SLIT3: variants seen among roughly 807,000 people sequenced by gnomAD.
SLIT3 encodes the protein slit homolog 3 protein.
A neutral mutation model predicts 184.0 loss-of-function variants in SLIT3; 68 were observed. The ratio of observed to expected loss-of-function variants is 0.37; its 90% CI spans 0.30 to 0.45. The LOEUF is 0.45. Ranked by LOEUF, SLIT3 falls within the 20% of genes least tolerant of loss-of-function variation. The pLI is 1.00. For missense variants in SLIT3, 1,707 were observed against 2,026.0 expected (o/e 0.84, Z 3.02); for synonymous variants, 831 against 828.6 (o/e 1.00, Z -0.05).
At chr5:169,001,805 C>T (rs1755709833) in intron 4 of SLIT3, among the ~76,000 whole-genome samples, 3 of 152,188 alleles carry the variant, frequency 2.0e-5, no homozygotes, top group Admixed American at 2.0e-4. Flanking sequence ...GGCTATAGCT[C>T]CTCTCTTAGC....
chr5:168,899,352 C>A (rs936797500), intron 4 of SLIT3, among the ~76,000 whole-genome samples: 2 of 151,964 alleles, frequency 1.3e-5, no homozygotes, highest in African/African-American at 4.8e-5. Flanking sequence ...CCCATCACTA[C>A]GAAAAATAAA....
intron 32 of SLIT3, among the ~76,000 whole-genome samples, chr5:168,682,217 C>G (rs1761612256): frequency 6.6e-6 from 1 of 152,246 alleles, no homozygotes. Context: ...CCACTGGGAG[C>G]CTCTTGCTCT....
chr5:168,887,730 C>T (rs907836538), intron 4 of SLIT3, among the ~76,000 whole-genome samples: 1 of 152,136 alleles, frequency 6.6e-6, no homozygotes, highest in Non-Finnish European at 1.5e-5. Flanking sequence ...ACTTATTAGA[C>T]TACAGCTTGT....
intron 1 of SLIT3, among the ~76,000 whole-genome samples, chr5:169,294,696 T>C (rs1357630517): frequency 6.6e-6 from 1 of 152,180 alleles, no homozygotes; most frequent in Non-Finnish European, 1.5e-5. Context: ...GGGGATACGT[T>C]CTAAGAAACT....
At chr5:169,199,787 G>A (rs1393153671) in intron 3 of SLIT3, among the ~76,000 whole-genome samples, 1 of 152,164 alleles carries the variant, frequency 6.6e-6, no homozygotes, top group African/African-American at 2.4e-5. Flanking sequence ...TCTTAATTTA[G>A]CCCTTCATTA....
intron 4 of SLIT3, chr5:169,036,531 G>C (rs1363830392): frequency 6.6e-6 from 1 of 152,100 alleles, no homozygotes. Context: ...CCTCCATAAA[G>C]AACATCTAAA....
At chr5:168,748,511 G>A (rs1158207411) in intron 19 of SLIT3, 77 bp from the exon 20 acceptor site, 6 of 1,391,070 alleles carry the variant, frequency 4.3e-6, no homozygotes, top group Non-Finnish European at 5.7e-6. Flanking sequence ...AAGGCTGCGT[G>A]TTCTCCACAA....
At chr5:169,157,076 T>C (rs2113382553) in intron 4 of SLIT3, among the ~76,000 whole-genome samples, 1 of 152,226 alleles carries the variant, frequency 6.6e-6, no homozygotes, top group Non-Finnish European at 1.5e-5. Flanking sequence ...ATAGGGAGCC[T>C]AGACAAAGTA....
intron 3 of SLIT3, among the ~76,000 whole-genome samples, chr5:169,228,662 A>G (rs559090692): frequency 6.6e-6 from 1 of 152,330 alleles, no homozygotes; most frequent in Admixed American, 6.5e-5. Context: ...GAACATTCAG[A>G]ATACAAATTT....
At chr5:168,777,853 A>C (rs1223072295) in intron 12 of SLIT3, among the ~76,000 whole-genome samples, 1 of 152,170 alleles carries the variant, frequency 6.6e-6, no homozygotes, top group Admixed American at 6.5e-5. Context: ...CTTTGGGAGG[A>C]AGGCTGGCAG....
At chr5:169,028,600 T>C (rs1421841767) in intron 4 of SLIT3, among the ~76,000 whole-genome samples, 1 of 152,276 alleles carries the variant, frequency 6.6e-6, no homozygotes, top group East Asian at 1.9e-4. Context: ...ATATTATTAT[T>C]CAGGCAGTCT....
intron 4 of SLIT3, among the ~76,000 whole-genome samples, chr5:169,057,894 C>G (rs540828212): frequency 5.9e-5 from 9 of 152,186 alleles, no homozygotes; most frequent in Admixed American, 1.3e-4. Context: ...AAAGACACAG[C>G]TTTCTTTTAT....
chr5:169,191,156 T>C (rs1405367796), intron 4 of SLIT3, among the ~76,000 whole-genome samples: 2 of 152,206 alleles, frequency 1.3e-5, no homozygotes, highest in African/African-American at 4.8e-5. Flanking sequence ...CGTGAGTGAA[T>C]GAATAAATGA....
At chr5:169,233,319 G>A (rs770811501) in intron 3 of SLIT3, among the ~76,000 whole-genome samples, 8 of 152,092 alleles carry the variant, frequency 5.3e-5, no homozygotes, top group South Asian at 2.1e-4. Flanking sequence ...CACCGCGCCC[G>A]GTCGGCATTG....
At chr5:169,278,222 T>C (rs2113642481) in intron 1 of SLIT3, among the ~76,000 whole-genome samples, 1 of 152,298 alleles carries the variant, frequency 6.6e-6, no homozygotes, top group East Asian at 1.9e-4. Flanking sequence ...AATAGGGGGC[T>C]TTCCTCCAGC....
intron 4 of SLIT3, among the ~76,000 whole-genome samples, chr5:169,145,484 C>T (rs1761897253): frequency 6.6e-6 from 1 of 152,180 alleles, no homozygotes; most frequent in South Asian, 2.1e-4. Flanking sequence ...TAAAAGGAAG[C>T]ACACCTATGT....
intron 1 of SLIT3, among the ~76,000 whole-genome samples, chr5:169,284,222 G>A (rs745432389): frequency 1.3e-5 from 2 of 152,154 alleles, no homozygotes; most frequent in Non-Finnish European, 2.9e-5. Context: ...AGGAAGCCAG[G>A]GGATCTCTAG....
At chr5:168,856,642 A>G (rs1222417696) in intron 5 of SLIT3, among the ~76,000 whole-genome samples, 3 of 152,070 alleles carry the variant, frequency 2.0e-5, no homozygotes, top group Non-Finnish European at 4.4e-5. Flanking sequence ...GTCCAGCATA[A>G]AATAGTGTGG....
chr5:168,733,588 T>C (rs993354854), intron 20 of SLIT3, among the ~76,000 whole-genome samples: 3 of 152,034 alleles, frequency 2.0e-5, no homozygotes, highest in Non-Finnish European at 4.4e-5. Context: ...TGTATATTCA[T>C]GGACACAAGG....
Sources: gnomAD v4.1 joint callset for allele counts (sites outside exome capture counted in the v4.1 genomes callset) on GRCh38, gnomAD v4.1.1 for gene constraint, MANE v1.5 for transcripts, NCBI Gene and HGNC (gene_info 2026-07-23, HGNC 2026-07-21) for gene names.